RGS17: variants seen among roughly 807,000 people sequenced by gnomAD.
The protein encoded by RGS17 is regulator of G-protein signaling 17.
In RGS17, 12 loss-of-function variants were observed where a neutral mutation model predicts 25.5. The ratio of observed to expected loss-of-function variants is 0.47; its 90% CI spans 0.30 to 0.76. RGS17 has a LOEUF of 0.76. Among genes scored for constraint, RGS17 ranks in the 30% least tolerant of loss-of-function variants. The probability of loss-of-function intolerance (pLI) is 0.07; values close to 1 mark genes in which losing one functional copy is unlikely to be tolerated. For missense variants in RGS17, 196 were observed against 242.2 expected (o/e 0.81, Z 1.27); for synonymous variants, 71 against 76.9 (o/e 0.92, Z 0.40).
intron 1 of RGS17, among the ~76,000 whole-genome samples, chr6:153,057,037 G>T (rs1776571125): frequency 2.6e-5 from 4 of 152,036 alleles, no homozygotes; most frequent in Admixed American, 2.6e-4. Context: ...CAGCCCTAAA[G>T]CACAGTGTCA....
chr6:153,041,132 T>C (rs1776316679), intron 2 of RGS17, among the ~76,000 whole-genome samples: 1 of 152,046 alleles, frequency 6.6e-6, no homozygotes, highest in South Asian at 2.1e-4. Flanking sequence ...GCCACTGCAA[T>C]CAAGCCTGCA....
chr6:153,018,159 G>T (rs1377973041), intron 4 of RGS17, among the ~76,000 whole-genome samples: 4 of 152,164 alleles, frequency 2.6e-5, no homozygotes, highest in East Asian at 3.9e-4. Flanking sequence ...TATCCTGCTG[G>T]TCTAGGGGAG....
At chr6:153,096,627 G>A (rs535261528) in intron 1 of RGS17, among the ~76,000 whole-genome samples, 8 of 152,164 alleles carry the variant, frequency 5.3e-5, no homozygotes, top group South Asian at 4.1e-4. Context: ...CTATATGATC[G>A]TTGCCACATA....
chr6:153,125,447 T>C (rs1264628416), intron 1 of RGS17, among the ~76,000 whole-genome samples: 1 of 152,220 alleles, frequency 6.6e-6, no homozygotes, highest in Non-Finnish European at 1.5e-5. Flanking sequence ...TCCATTTCTA[T>C]TTGAAATAGA....
chr6:153,102,642 GC>G (rs200144711), intron 1 of RGS17, among the ~76,000 whole-genome samples: 4,000 of 152,220 alleles, frequency 0.026, 74 homozygotes, highest in Middle Eastern at 0.061. Context: ...GTTTCTCCAG[GC>G]CCCTCTCTAC....
intron 3 of RGS17, 105 bp downstream of exon 3, chr6:153,026,349 T>A (rs1425882631): frequency 1.9e-5 from 12 of 642,264 alleles, no homozygotes; most frequent in Non-Finnish European, 3.0e-5. Context: ...CTTCCCAAAA[T>A]CATTTTGAAG....
chr6:153,049,547 C>T (rs1438791312), intron 1 of RGS17, among the ~76,000 whole-genome samples: 18 of 151,914 alleles, frequency 1.2e-4, no homozygotes, highest in Admixed American at 1.0e-3. Context: ...GTCAGGAGAT[C>T]GAGACCATCC....
chr6:153,074,117 G>A (rs1017214804), intron 1 of RGS17, among the ~76,000 whole-genome samples: 2 of 152,142 alleles, frequency 1.3e-5, no homozygotes, highest in African/African-American at 2.4e-5. Flanking sequence ...AAACAAGATT[G>A]TTTTCAGCGT....
At chr6:153,074,211 T>G (rs1584145201) in intron 1 of RGS17, among the ~76,000 whole-genome samples, 1 of 152,184 alleles carries the variant, frequency 6.6e-6, no homozygotes, top group East Asian at 1.9e-4. Context: ...TTACACAATT[T>G]TTTTACATTT....
chr6:153,086,171 G>GA (rs1777050042), intron 1 of RGS17, among the ~76,000 whole-genome samples: 1 of 151,948 alleles, frequency 6.6e-6, no homozygotes, highest in Non-Finnish European at 1.5e-5. Context: ...CAGAAAAAAT[G>GA]AAAAAATACT....
intron 1 of RGS17, among the ~76,000 whole-genome samples, chr6:153,075,585 G>C (rs1776865321): frequency 6.6e-6 from 1 of 152,084 alleles, no homozygotes; most frequent in South Asian, 2.1e-4. Flanking sequence ...TTGCCCCCAG[G>C]GTTCTCATCC....
At chr6:153,061,811 C>G (rs1205056088) in intron 1 of RGS17, among the ~76,000 whole-genome samples, 5 of 152,032 alleles carry the variant, frequency 3.3e-5, no homozygotes, top group Non-Finnish European at 7.4e-5. Flanking sequence ...TGTAGGTTAC[C>G]TGTGATTCTC....
chr6:153,103,315 T>C (rs542334207), intron 1 of RGS17, among the ~76,000 whole-genome samples: 1 of 152,338 alleles, frequency 6.6e-6, no homozygotes, highest in African/African-American at 2.4e-5. Flanking sequence ...TCCCTTTGTG[T>C]TCATAATTTA....
At chr6:153,094,599 A>G (rs1278843496) in intron 1 of RGS17, among the ~76,000 whole-genome samples, 2 of 152,352 alleles carry the variant, frequency 1.3e-5, no homozygotes, top group South Asian at 4.1e-4. Context: ...TTACTAGGAA[A>G]GAGATCAGCT....
intron 1 of RGS17, among the ~76,000 whole-genome samples, chr6:153,046,464 A>T (rs537925973): frequency 6.6e-6 from 1 of 152,028 alleles, no homozygotes; most frequent in Non-Finnish European, 1.5e-5. Flanking sequence ...GAACAACATT[A>T]TGTACCCCAT....
intron 1 of RGS17, among the ~76,000 whole-genome samples, chr6:153,058,028 T>C (rs1933259): frequency 0.38 from 58,346 of 152,018 alleles, 11,888 homozygotes; most frequent in East Asian, 0.62. Flanking sequence ...TGACTTTACC[T>C]ATTCTTATCC....
chr6:153,096,865 TAGAC>T (rs1414110585), intron 1 of RGS17, among the ~76,000 whole-genome samples: 1 of 152,180 alleles, frequency 6.6e-6, no homozygotes, highest in African/African-American at 2.4e-5. Flanking sequence ...AGAAAGATGA[TAGAC>T]AGCATCTGAA....
At chr6:153,052,202 C>T (rs62436152) in intron 1 of RGS17, among the ~76,000 whole-genome samples, 2,367 of 152,160 alleles carry the variant, frequency 0.016, 31 homozygotes, top group Middle Eastern at 0.034. Flanking sequence ...GGATTGAGAT[C>T]CCAATTTGGC....
At chr6:153,081,628 TTTTC>T (rs1345701170) in intron 1 of RGS17, among the ~76,000 whole-genome samples, 1 of 5,932 alleles carries the variant, frequency 1.7e-4, no homozygotes, top group Non-Finnish European at 2.4e-4. Context: ...CTCCTTCTTT[TTTTC>T]CCCCTCTTTT....
Sources: gnomAD v4.1 joint callset for allele counts (sites outside exome capture counted in the v4.1 genomes callset) on GRCh38, gnomAD v4.1.1 for gene constraint, MANE v1.5 for transcripts, NCBI Gene and HGNC (gene_info 2026-07-23, HGNC 2026-07-21) for gene names.